DRC8: variants seen among roughly 807,000 people sequenced by gnomAD.
The protein encoded by DRC8 is dynein regulatory complex subunit 8.
At chr1:245,084,068 C>CCG in the DRC8 span, among the ~76,000 whole-genome samples, 11 of 114,472 alleles carry the variant, frequency 9.6e-5, 2 homozygotes, top group South Asian at 5.9e-4. Flanking sequence ...TTCCGCCCCC[C>CCG]CCCCGGCGCC....
At chr1:244,972,830 A>C in the DRC8 span, among the ~76,000 whole-genome samples, 2 of 151,836 alleles carry the variant, frequency 1.3e-5, no homozygotes, top group South Asian at 2.1e-4. Flanking sequence ...AAAAAAAAAA[A>C]CAAAAACAAA....
At chr1:244,985,367 C>T in the DRC8 span, among the ~76,000 whole-genome samples, 1 of 152,218 alleles carries the variant, frequency 6.6e-6, no homozygotes, top group African/African-American at 2.4e-5. Flanking sequence ...AATTTCTTCA[C>T]ATGTCAAATG....
the DRC8 span, among the ~76,000 whole-genome samples, chr1:245,067,875 T>C: frequency 3.3e-5 from 5 of 152,228 alleles, no homozygotes; most frequent in African/African-American, 1.2e-4. Context: ...TTATCTGTTA[T>C]TGTTCCTACA....
the DRC8 span, among the ~76,000 whole-genome samples, chr1:245,012,739 G>C: frequency 6.6e-6 from 1 of 152,072 alleles, no homozygotes; most frequent in South Asian, 2.1e-4. Context: ...TCTTAGATGT[G>C]AAAACTATTC....
chr1:245,112,872 G>A, the DRC8 span, among the ~76,000 whole-genome samples: 2 of 151,820 alleles, frequency 1.3e-5, no homozygotes, highest in Admixed American at 6.6e-5. Flanking sequence ...TCCTGCCTCA[G>A]CCTCCCAAGT....
At chr1:244,988,783 A>AAT in the DRC8 span, among the ~76,000 whole-genome samples, 5 of 152,250 alleles carry the variant, frequency 3.3e-5, no homozygotes, top group Admixed American at 2.0e-4. Context: ...ACAAAAAATT[A>AAT]GTAATGATAA....
chr1:245,011,779 A>G, the DRC8 span, among the ~76,000 whole-genome samples: 1 of 152,238 alleles, frequency 6.6e-6, no homozygotes, highest in African/African-American at 2.4e-5. Flanking sequence ...GAACAAAGTT[A>G]AGTTTCATGA....
At chr1:245,075,736 C>T in the DRC8 span, 3 of 152,198 alleles carry the variant, frequency 2.0e-5, no homozygotes, top group African/African-American at 7.2e-5. Flanking sequence ...GCCCGGCTTA[C>T]TTTTAAATTA....
chr1:244,999,975 C>T, the DRC8 span, among the ~76,000 whole-genome samples: 1 of 152,090 alleles, frequency 6.6e-6, no homozygotes, highest in South Asian at 2.1e-4. Flanking sequence ...TGTGCCACCA[C>T]ACTCAGCTAA....
chr1:245,057,884 C>T, the DRC8 span, among the ~76,000 whole-genome samples: 1 of 152,120 alleles, frequency 6.6e-6, no homozygotes, highest in Non-Finnish European at 1.5e-5. Context: ...CTGGAACTTA[C>T]TCCTTCTATC....
chr1:245,069,860 T>A, the DRC8 span, among the ~76,000 whole-genome samples: 3 of 151,898 alleles, frequency 2.0e-5, no homozygotes, highest in Non-Finnish European at 4.4e-5. Context: ...TGGGCAACAT[T>A]GTGAGACCCT....
At chr1:245,044,554 T>G in the DRC8 span, among the ~76,000 whole-genome samples, 10 of 53,438 alleles carry the variant, frequency 1.9e-4, no homozygotes, top group South Asian at 1.3e-3. Context: ...AGGCTGGATT[T>G]ATTTATTTAT....
chr1:245,027,825 T>A, the DRC8 span, among the ~76,000 whole-genome samples: 4 of 151,852 alleles, frequency 2.6e-5, no homozygotes, highest in African/African-American at 9.7e-5. Context: ...TTTTTCTCCA[T>A]CCTTGAATTC....
chr1:245,023,167 G>A, the DRC8 span: 2 of 152,170 alleles, frequency 1.3e-5, no homozygotes, highest in Non-Finnish European at 2.9e-5. Context: ...TTCACGTAGC[G>A]TAATGTTCTC....
the DRC8 span, among the ~76,000 whole-genome samples, chr1:245,035,879 A>AAG: frequency 2.6e-5 from 4 of 151,660 alleles, no homozygotes; most frequent in East Asian, 1.9e-4. Flanking sequence ...AAAAAAAAAA[A>AAG]AAGAAGAAGA....
At chr1:245,055,580 C>G in the DRC8 span, among the ~76,000 whole-genome samples, 2 of 152,112 alleles carry the variant, frequency 1.3e-5, no homozygotes, top group Admixed American at 1.3e-4. Flanking sequence ...CCCACAGCCT[C>G]CCAGAGTGCT....
chr1:245,063,634 T>C, the DRC8 span, among the ~76,000 whole-genome samples: 1 of 152,180 alleles, frequency 6.6e-6, no homozygotes, highest in Non-Finnish European at 1.5e-5. Context: ...GTGCATTTCA[T>C]TGGGAGGCTG....
chr1:245,018,702 T>C, the DRC8 span, among the ~76,000 whole-genome samples: 1 of 151,998 alleles, frequency 6.6e-6, no homozygotes, highest in South Asian at 2.1e-4. Flanking sequence ...AGTATGGCAT[T>C]ATGAGAGAGA....
the DRC8 span, among the ~76,000 whole-genome samples, chr1:245,034,715 T>A: frequency 7.1e-6 from 1 of 140,604 alleles, no homozygotes. Flanking sequence ...AATGAAAGCA[T>A]GAAGAAAATG....
Sources: gnomAD v4.1 joint callset for allele counts (sites outside exome capture counted in the v4.1 genomes callset) on GRCh38, gnomAD v4.1.1 for gene constraint, MANE v1.5 for transcripts, NCBI Gene and HGNC (gene_info 2026-07-23, HGNC 2026-07-21) for gene names.